Variants in SPRED2 observed in about 807,000 individuals in gnomAD.
SPRED2 encodes the protein sprouty related EVH1 domain containing 2.
Under a neutral mutation model 43.0 loss-of-function variants are expected in SPRED2, and 47 were observed. The ratio of observed to expected loss-of-function variants is 1.09; its 90% CI spans 0.87 to 1.40. The LOEUF (loss-of-function observed/expected upper bound fraction) is 1.40. Among genes scored for constraint, SPRED2 ranks in the 40% most tolerant of loss-of-function variants. The pLI is 0.00. For missense variants in SPRED2, 561 were observed against 586.4 expected (o/e 0.96, Z 0.45); for synonymous variants, 225 against 225.7 (o/e 1.00, Z 0.03).
At chr2:65,410,984 T>C (rs533578202) in intron 1 of SPRED2, among the ~76,000 whole-genome samples, 1 of 152,294 alleles carries the variant, frequency 6.6e-6, no homozygotes, top group African/African-American at 2.4e-5. Context: ...CTCAGACTGT[T>C]TGTTCGAGGT....
chr2:65,332,585 C>A (rs1303361013), intron 3 of SPRED2, among the ~76,000 whole-genome samples: 1 of 152,184 alleles, frequency 6.6e-6, no homozygotes, highest in African/African-American at 2.4e-5. Flanking sequence ...ATTTCTAAAT[C>A]CCAAATTGTG....
At chr2:65,352,501 G>A (rs1306205223) in intron 1 of SPRED2, among the ~76,000 whole-genome samples, 2 of 152,228 alleles carry the variant, frequency 1.3e-5, no homozygotes, top group East Asian at 3.8e-4. Context: ...TGTTTATCAA[G>A]AGGAGAAAAC....
At chr2:65,404,883 AC>A (rs969596084) in intron 1 of SPRED2, among the ~76,000 whole-genome samples, 5 of 152,072 alleles carry the variant, frequency 3.3e-5, no homozygotes, top group Admixed American at 3.3e-4. Context: ...ACAACAGCAC[AC>A]CCCTGGGCCC....
rs867077963 is a variant in SPRED2 at position 65,312,195 on chromosome 2, T to A, written c.*1306A>T. ...GTGGCAAGGCGACAGGCAGAACCAGTTGGCTGACCTAACCACCTGTGCACC... is the reference window on the plus strand; with the variant it reads ...GTGGCAAGGCGACAGGCAGAACCAGATGGCTGACCTAACCACCTGTGCACC... On this transcript the variant is annotated 3_prime_UTR_variant, in exon 6 of 6. Coordinates refer to ENST00000356388, the MANE Select transcript of SPRED2 (RefSeq NM_181784.3). The A allele has an allele frequency of 7.1e-6, 7 of 985,616 alleles. No homozygotes were observed. Among genetic ancestry groups the A allele is most frequent in the Middle Eastern group, 5.2e-4 (1 of 1,936 alleles). The allele number at this position is 985,616 out of a possible 1,614,324, so 61.1% of individuals were successfully genotyped here.
At chr2:65,431,018 C>T (rs1676671798) in intron 1 of SPRED2, among the ~76,000 whole-genome samples, 1 of 152,046 alleles carries the variant, frequency 6.6e-6, no homozygotes, top group Admixed American at 6.5e-5. Flanking sequence ...CGCCTCAGAC[C>T]AGGGAGGGAA....
At chr2:65,338,125 A>G (rs1444145743) in intron 2 of SPRED2, among the ~76,000 whole-genome samples, 2 of 151,786 alleles carry the variant, frequency 1.3e-5, no homozygotes, top group Non-Finnish European at 2.9e-5. Context: ...TAAGAGATCT[A>G]TTGAAAGTGA....
At position 65,313,411 on chromosome 2, in the gene SPRED2, G is replaced by C. The variant is rs1002450254; in HGVS notation, c.*90C>G. 2.6e-6 allele frequency: 4 copies of C among 1,512,702 alleles called. 1 individual carries two copies. The Admixed American group carries it at 8.8e-5, about 33-fold the overall frequency. 93.7% of individuals were successfully genotyped at this position (1,512,702 alleles called of 1,614,324 possible). A position where few individuals can be genotyped will look rare whatever the true frequency, so the allele number is the denominator to read the frequency against. ...GGCCGCTTGCCCTCCTCGCTCCTTG[G>C]AGTGGAAGGGAGCGGGGGAGAAGAT... On this transcript the variant is annotated 3_prime_UTR_variant, in exon 6 of 6. Coordinates refer to ENST00000356388, the MANE Select transcript of SPRED2 (RefSeq NM_181784.3).
chr2:65,424,222 T>C (rs7583469), intron 1 of SPRED2, among the ~76,000 whole-genome samples: 81,794 of 151,828 alleles, frequency 0.54, 22,694 homozygotes, highest in Non-Finnish European at 0.58. Context: ...CACTCCAAAG[T>C]CCATGATTCT....
chr2:65,345,566 ACC>A (rs756174093), intron 1 of SPRED2, among the ~76,000 whole-genome samples: 19 of 152,086 alleles, frequency 1.2e-4, no homozygotes, highest in Admixed American at 3.9e-4. Flanking sequence ...CAGACTACAA[ACC>A]TATTAAGACG....
chr2:65,334,161 T>A (rs530069492), intron 3 of SPRED2: 1 of 471,066 alleles, frequency 2.1e-6, no homozygotes, highest in South Asian at 1.5e-5. Context: ...AGGTCACAGA[T>A]CCCTTTCCTT....
chr2:65,347,447 CA>C (rs1171293637), intron 1 of SPRED2, among the ~76,000 whole-genome samples: 9 of 152,100 alleles, frequency 5.9e-5, no homozygotes, highest in African/African-American at 2.2e-4. Context: ...CCCCCAAAGA[CA>C]ACTTCACATG....
intron 1 of SPRED2, among the ~76,000 whole-genome samples, chr2:65,420,235 G>GAAAAAAAAAAAAAAAAAAAAA (rs1558692335): frequency 7.0e-6 from 1 of 141,990 alleles, no homozygotes. Context: ...AAAAAAAAAG[G>GAAAAAAAAAAAAAAAAAAAAA]AAAAATATGA....
chr2:65,362,883 A>G (rs1674858663), intron 1 of SPRED2, among the ~76,000 whole-genome samples: 1 of 151,040 alleles, frequency 6.6e-6, no homozygotes, highest in Non-Finnish European at 1.5e-5. Flanking sequence ...AAGAAAAGAA[A>G]AGAAAAAAAC....
chr2:65,328,484 G>A (rs1673710853), intron 4 of SPRED2, among the ~76,000 whole-genome samples: 1 of 152,152 alleles, frequency 6.6e-6, no homozygotes, highest in Non-Finnish European at 1.5e-5. Flanking sequence ...AGCTGTGGTG[G>A]CTTTATGTGC....
intron 1 of SPRED2, among the ~76,000 whole-genome samples, chr2:65,420,597 T>C (rs969363073): frequency 5.3e-5 from 8 of 152,242 alleles, no homozygotes; most frequent in Non-Finnish European, 8.8e-5. Flanking sequence ...TCCATCATTA[T>C]TCCAATTAAG....
In SPRED2 at chr2:65,431,719, C is replaced by T. The variant is rs79615628; in HGVS notation, c.26+243G>A. Among the ~76,000 whole-genome samples the T allele has an allele frequency of 5.7e-4, 87 of 152,274 alleles. 2 individuals carry two copies. The East Asian group carries it at 0.016, about 28-fold the overall frequency. On this transcript the variant is annotated intron_variant, in intron 1 of 5. Coordinates refer to ENST00000356388, the MANE Select transcript of SPRED2 (RefSeq NM_181784.3). ...GACCGCCGGGAGGTCACCCGCACGC[C>T]CTTGGCCCCCGGAGCTGCCACCAGC...
At chr2:65,332,080 GTTTC>G (rs1673829523) in intron 3 of SPRED2, 29 bp from the exon 4 acceptor site, 10 of 1,507,604 alleles carry the variant, frequency 6.6e-6, no homozygotes, top group Non-Finnish European at 8.3e-6. Context: ...AATAAAAAGT[GTTTC>G]CCAAGAGGAT....
intron 4 of SPRED2, among the ~76,000 whole-genome samples, chr2:65,319,518 C>T (rs916998035): frequency 1.5e-4 from 23 of 152,190 alleles, no homozygotes; most frequent in African/African-American, 5.3e-4. Context: ...CCAATGATGA[C>T]ACCAATTCTC....
intron 4 of SPRED2, among the ~76,000 whole-genome samples, chr2:65,330,538 TG>T (rs1235526224): frequency 6.6e-6 from 1 of 152,206 alleles, no homozygotes; most frequent in Non-Finnish European, 1.5e-5. Flanking sequence ...AGATTTCCCC[TG>T]TCCCCACACA....
Sources: allele counts gnomAD v4.1 joint callset (sites outside exome capture counted in the v4.1 genomes callset), GRCh38; gene constraint gnomAD v4.1.1; transcripts MANE v1.5; gene names NCBI Gene and HGNC (gene_info 2026-07-23, HGNC 2026-07-21).